ADAMTS16: variants seen among roughly 807,000 people sequenced by gnomAD.
The protein encoded by ADAMTS16 is ADAM metallopeptidase with thrombospondin type 1 motif 16.
A neutral mutation model predicts 145.8 loss-of-function variants in ADAMTS16; 94 were observed. That is an observed-to-expected ratio of 0.64 (90% CI 0.55 to 0.77). The LOEUF (loss-of-function observed/expected upper bound fraction) is 0.77. Among genes scored for constraint, ADAMTS16 ranks in the 30% least tolerant of loss-of-function variants. The probability of loss-of-function intolerance (pLI) is 0.00; values close to 1 mark genes in which losing one functional copy is unlikely to be tolerated. For synonymous variants in ADAMTS16, 659 were observed against 604.3 expected (o/e 1.09, Z -1.33); for missense variants, 1,585 against 1,591.5 (o/e 1.00, Z 0.07).
chr5:5,158,968 A>G (rs1048799535), intron 3 of ADAMTS16, among the ~76,000 whole-genome samples: 1 of 152,266 alleles, frequency 6.6e-6, no homozygotes. Flanking sequence ...AAAAAGTGAT[A>G]CAGTGACCAT....
chr5:5,205,093 GT>G (rs151287559), intron 9 of ADAMTS16, among the ~76,000 whole-genome samples: 117 of 151,398 alleles, frequency 7.7e-4, no homozygotes, highest in African/African-American at 2.5e-3. Flanking sequence ...AATAGACCCT[GT>G]TTTTTTTCTT....
intron 3 of ADAMTS16, among the ~76,000 whole-genome samples, chr5:5,162,759 A>AGAGAG (rs10545197): frequency 0.015 from 2,303 of 150,190 alleles, 44 homozygotes; most frequent in African/African-American, 0.045. Context: ...AGAGAAGAGA[A>AGAGAG]GAGAGGAGAG....
Position 5,303,774 on chromosome 5 carries a change from C to T in ADAMTS16, c.3186+8C>T, listed in dbSNP as rs1739899497. The T allele has an allele frequency of 2.5e-6, 4 of 1,612,112 alleles. No individual in the cohort carries two copies. Among genetic ancestry groups the T allele is most frequent in the Non-Finnish European group, 3.4e-6 (4 of 1,179,426 alleles). On this transcript the variant is annotated splice_region_variant and intron_variant, in intron 20 of 22. Coordinates refer to ENST00000274181, the MANE Select transcript of ADAMTS16 (RefSeq NM_139056.4). ...GTGTCCGCCTGGTCCCAGGTAGGTGCACTGGTCTCGCGGGAGCGAGGTTGA... is the reference window on the plus strand; with the variant it reads ...GTGTCCGCCTGGTCCCAGGTAGGTGTACTGGTCTCGCGGGAGCGAGGTTGA...
chr5:5,209,348 A>C, intron 10 of ADAMTS16, 102 bp downstream of exon 10: 1 of 1,376,176 alleles, frequency 7.3e-7, no homozygotes, highest in Non-Finnish European at 1.0e-6. Flanking sequence ...GGTACCTACC[A>C]AATGTCAAAT....
At chr5:5,241,916 A>G in intron 16 of ADAMTS16, 137 bp from the exon 17 acceptor site, 1 of 1,053,386 alleles carries the variant, frequency 9.5e-7, no homozygotes, top group Non-Finnish European at 1.4e-6. Context: ...AGTTTGGATG[A>G]TAGTCTGAAT....
chr5:5,239,214 G>A lies in ADAMTS16; in HGVS notation c.2218G>A (p.Gly740Arg), dbSNP rs1278004238. The change falls in exon 15 of 23, where the codon GGG (glycine) becomes AGG (arginine). Residue 740 changes from glycine to arginine, a missense_variant. Around this residue, in one of 3 missense-constraint regions of ADAMTS16, gnomAD observed 834 missense variants for 811.7 expected, o/e 1.03. Coordinates refer to ENST00000274181, the MANE Select transcript of ADAMTS16 (RefSeq NM_139056.4). ...AVEDVCGVCNGNNSACTIHRG... is the reference protein window; with the variant it reads ...AVEDVCGVCNRNNSACTIHRG... ...TGAAGACGTCTGTGGGGTGTGTAAC[G>A]GGAATAACTCAGCCTGCACGATTCA... 5 of 1,602,938 alleles carry A rather than the reference G, an allele frequency of 3.1e-6. No individual in the cohort carries two copies. Among genetic ancestry groups the A allele is most frequent in the Admixed American group, 1.7e-5 (1 of 57,690 alleles).
chr5:5,187,640 C>T (rs72647743), intron 5 of ADAMTS16, 85 bp from the exon 6 acceptor site: 9,306 of 847,632 alleles, frequency 0.011, 63 homozygotes, highest in Non-Finnish European at 0.015. Flanking sequence ...CACTGAAGAA[C>T]AAGGGCGTTG....
Position 5,227,757 on chromosome 5 carries a change from AC to A in ADAMTS16, c.1702-4610del, listed in dbSNP as rs570208040. The stretch of plus-strand genomic sequence containing the variant: ...ATCTTTTGGTGTTTCCTTTGCCATT[AC>A]TTTTGATTGCAAAAACTGCAATTGC... On this transcript the variant is annotated intron_variant, in intron 11 of 22. Transcript: ENST00000274181. Among the ~76,000 whole-genome samples the A allele has an allele frequency of 5.3e-5, 8 of 152,288 alleles. No homozygotes were observed. In the South Asian group the frequency reaches 1.7e-3, roughly 32 times the overall value.
chr5:5,222,112 A>C (rs1736622909), intron 10 of ADAMTS16, among the ~76,000 whole-genome samples: 1 of 152,094 alleles, frequency 6.6e-6, no homozygotes, highest in Admixed American at 6.6e-5. Flanking sequence ...GCACTCGGAG[A>C]GTCTTTTATA....
chr5:5,169,573 A>G (rs1734993180), intron 3 of ADAMTS16, among the ~76,000 whole-genome samples: 1 of 152,208 alleles, frequency 6.6e-6, no homozygotes, highest in Admixed American at 6.5e-5. Flanking sequence ...TGCATCTGAC[A>G]GAGCCATTAG....
At chr5:5,306,173 T>C (rs145798973) in intron 20 of ADAMTS16, among the ~76,000 whole-genome samples, 14 of 152,330 alleles carry the variant, frequency 9.2e-5, no homozygotes, top group African/African-American at 3.4e-4. Context: ...CCACATGTAC[T>C]TATGTATTAA....
At position 5,177,590 on chromosome 5, in the gene ADAMTS16, G is replaced by A. The variant is rs74288238; in HGVS notation, c.502-4454G>A. ...TAATCACACAACAAGAATTACTGTG[G>A]CTTTTGGTGTAGATTCATATTTGGC... On this transcript the variant is annotated intron_variant, in intron 3 of 22. Transcript: ENST00000274181. Among the ~76,000 whole-genome samples, 939 of 152,176 alleles carry A rather than the reference G, an allele frequency of 6.2e-3. 17 individuals are homozygous for A. Among genetic ancestry groups the A allele is most frequent in the East Asian group, 0.028 (144 of 5,188 alleles).
At chr5:5,140,831 G>A (rs1579265548) in intron 2 of ADAMTS16, 65 bp downstream of exon 2, 3 of 1,422,130 alleles carry the variant, frequency 2.1e-6, no homozygotes, top group Middle Eastern at 1.8e-4. Context: ...CCGTGCCGCT[G>A]GTTTATTAGG....
chr5:5,227,051 T>G (rs535013187), intron 11 of ADAMTS16, among the ~76,000 whole-genome samples: 1 of 152,370 alleles, frequency 6.6e-6, no homozygotes, highest in South Asian at 2.1e-4. Context: ...CTTGGCCTAG[T>G]CCTTACATTG....
Position 5,190,008 on chromosome 5 carries a change from T to C in ADAMTS16, c.1085T>C (p.Leu362Ser). The part of the protein sequence containing the change: ...LVISHHADHT[L>S]SSFCQWQSGL... ...ATAAGTCACCACGCAGACCACACCT[T>C]AAGTAGCTTCTGCCAGTGGCAGTCT... The change falls in exon 7 of 23, where the codon TTA becomes TCA. Residue 362 changes from leucine to serine, a missense_variant. Coordinates refer to ENST00000274181, the MANE Select transcript of ADAMTS16 (RefSeq NM_139056.4). 6.2e-7 allele frequency: 1 copy of C among 1,612,586 alleles called. No individual in the cohort carries two copies. Among genetic ancestry groups the C allele is most frequent in the Non-Finnish European group, 8.5e-7 (1 of 1,179,404 alleles).
chr5:5,180,292 C>G (rs527603985), intron 3 of ADAMTS16, among the ~76,000 whole-genome samples: 39 of 152,194 alleles, frequency 2.6e-4, no homozygotes, highest in African/African-American at 7.9e-4. Context: ...ACTAATAGTT[C>G]AGTATTGCAG....
At chr5:5,203,532 T>G (rs1008113489) in intron 9 of ADAMTS16, among the ~76,000 whole-genome samples, 2 of 152,128 alleles carry the variant, frequency 1.3e-5, no homozygotes, top group Non-Finnish European at 2.9e-5. Flanking sequence ...TGGCCTGAAG[T>G]TTTCAGCACA....
In ADAMTS16 at chr5:5,166,385, C is replaced by T. The variant is rs561308051; in HGVS notation, c.502-15659C>T. ...GAAGCCACCACTGGCTATCCGATGA[C>T]CACTGTGTGTGCTACAGACCTGGGT... On this transcript the variant is annotated intron_variant, in intron 3 of 22. Coordinates refer to ENST00000274181, the MANE Select transcript of ADAMTS16 (RefSeq NM_139056.4). 4.6e-5 allele frequency among the ~76,000 whole-genome samples: 7 copies of T among 152,296 alleles called. 1 individual carries two copies. The highest frequency in any genetic ancestry group is 1.7e-4 in the African/African-American group (7 of 41,576).
chr5:5,247,530 C>CA (rs1737485756), intron 17 of ADAMTS16, among the ~76,000 whole-genome samples: 1 of 152,114 alleles, frequency 6.6e-6, no homozygotes, highest in African/African-American at 2.4e-5. Context: ...CACATCTTCC[C>CA]AAAAAGCAGG....
Sources: allele counts gnomAD v4.1 joint callset (sites outside exome capture counted in the v4.1 genomes callset), GRCh38; gene constraint gnomAD v4.1.1; regional missense constraint gnomAD v4.1.1; transcripts MANE v1.5; gene names NCBI Gene and HGNC (gene_info 2026-07-23, HGNC 2026-07-21).